CSMD2: variants seen among roughly 807,000 people sequenced by gnomAD.
The protein encoded by CSMD2 is CUB and Sushi multiple domains 2.
CSMD2 carries 130 observed loss-of-function variants against 398.5 expected under a neutral mutation model. That is an observed-to-expected ratio of 0.33 (90% confidence interval 0.28 to 0.38). The LOEUF is 0.38. Ranked by LOEUF, CSMD2 falls within the 10% of genes least tolerant of loss-of-function variation. CSMD2 has a pLI of 1.00. For synonymous variants in CSMD2, 1,828 were observed against 1,908.5 expected (o/e 0.96, Z 1.10); for missense variants, 3,829 against 4,764.9 (o/e 0.80, Z 5.78).
At chr1:33,901,122 G>A (rs919584290) in intron 5 of CSMD2, among the ~76,000 whole-genome samples, 18 of 152,354 alleles carry the variant, frequency 1.2e-4, no homozygotes, top group African/African-American at 3.8e-4. Context: ...AAACTTGGGG[G>A]TGAAGACCCA....
chr1:33,713,427 T>C (rs1290262711), intron 21 of CSMD2, among the ~76,000 whole-genome samples: 2 of 152,328 alleles, frequency 1.3e-5, no homozygotes, highest in East Asian at 3.9e-4. Flanking sequence ...GTGAGGTCCA[T>C]GGCTAACAGT....
chr1:33,579,000 G>A (rs1638499326), intron 48 of CSMD2, among the ~76,000 whole-genome samples: 1 of 152,176 alleles, frequency 6.6e-6, no homozygotes, highest in Non-Finnish European at 1.5e-5. Flanking sequence ...TAGTCACAGT[G>A]ACAGACGCAG....
At chr1:34,085,537 C>T (rs923696698) in intron 2 of CSMD2, among the ~76,000 whole-genome samples, 1 of 152,024 alleles carries the variant, frequency 6.6e-6, no homozygotes, top group Non-Finnish European at 1.5e-5. Flanking sequence ...GCAGACTCAT[C>T]ACAAATGTAG....
intron 12 of CSMD2, 143 bp from the exon 13 acceptor site, chr1:33,772,894 T>TA (rs1411533360): frequency 5.9e-6 from 4 of 678,590 alleles, no homozygotes. Context: ...AACGTTCTTA[T>TA]AAGGAATGAG....
intron 1 of CSMD2, among the ~76,000 whole-genome samples, chr1:34,130,862 G>A (rs1663273976): frequency 6.6e-6 from 1 of 151,864 alleles, no homozygotes; most frequent in African/African-American, 2.4e-5. Flanking sequence ...CCCGTCCCAG[G>A]TCCCCATCTC....
intron 2 of CSMD2, among the ~76,000 whole-genome samples, chr1:34,067,843 C>T (rs1056572822): frequency 1.3e-5 from 2 of 152,200 alleles, no homozygotes; most frequent in South Asian, 4.1e-4. Flanking sequence ...AAACTGCACA[C>T]GTACCTCCCT....
At chr1:33,824,316 T>C (rs1658533607) in intron 7 of CSMD2, among the ~76,000 whole-genome samples, 1 of 152,134 alleles carries the variant, frequency 6.6e-6, no homozygotes, top group Non-Finnish European at 1.5e-5. Context: ...GACCCTGGGC[T>C]CTCCTAGCAC....
At chr1:33,919,513 T>C (rs1284458273) in intron 4 of CSMD2, among the ~76,000 whole-genome samples, 4 of 152,252 alleles carry the variant, frequency 2.6e-5, no homozygotes, top group Admixed American at 6.5e-5. Flanking sequence ...CAATGCTAAC[T>C]TCTAAGTTTC....
At chr1:34,060,045 A>T (rs895143509) in intron 2 of CSMD2, among the ~76,000 whole-genome samples, 1 of 152,232 alleles carries the variant, frequency 6.6e-6, no homozygotes, top group Admixed American at 6.5e-5. Context: ...GACCTCTAGA[A>T]GAGAGGGAAA....
chr1:34,093,845 T>C (rs940088191), intron 1 of CSMD2, among the ~76,000 whole-genome samples: 15 of 152,104 alleles, frequency 9.9e-5, no homozygotes, highest in African/African-American at 3.6e-4. Context: ...CAGGATATTA[T>C]CCCGGAGAAT....
At chr1:33,827,147 G>T (rs1345299838) in intron 6 of CSMD2, among the ~76,000 whole-genome samples, 1 of 152,124 alleles carries the variant, frequency 6.6e-6, no homozygotes, top group East Asian at 1.9e-4. Context: ...CTCCACCCTT[G>T]TCCCTATATA....
chr1:33,721,038 G>C (rs1289153424), intron 19 of CSMD2, among the ~76,000 whole-genome samples: 1 of 152,124 alleles, frequency 6.6e-6, no homozygotes, highest in African/African-American at 2.4e-5. Flanking sequence ...CTAAGAATTA[G>C]GTGATGCCTT....
At position 33,819,900 on chromosome 1, in the gene CSMD2, T is replaced by C. The variant is rs570194230; in HGVS notation, c.1200-63A>G. The C allele has an allele frequency of 1.9e-6, 3 of 1,596,116 alleles. No individual in the cohort carries two copies. The African/African-American group carries it at 4.0e-5, about 21-fold the overall frequency. On this transcript the variant is annotated intron_variant, in intron 8 of 70. Transcript: ENST00000373381. ...GCCTGCCAAGCCCCGCCCCAAGTCC[T>C]TCCTGGTTCCACAAAGAAGCCGCAC...
chr1:34,143,397 GTCA>G (rs1466877726), intron 1 of CSMD2, among the ~76,000 whole-genome samples: 2 of 152,196 alleles, frequency 1.3e-5, no homozygotes, highest in Non-Finnish European at 2.9e-5. Flanking sequence ...CCTTCAGGAA[GTCA>G]TCCCTGATAG....
At chr1:33,611,864 G>A (rs1199790433) in intron 40 of CSMD2, among the ~76,000 whole-genome samples, 1 of 152,082 alleles carries the variant, frequency 6.6e-6, no homozygotes, top group African/African-American at 2.4e-5. Flanking sequence ...GAACGAAGGT[G>A]GGAACATTTA....
intron 32 of CSMD2, among the ~76,000 whole-genome samples, chr1:33,628,782 C>T (rs967512834): frequency 5.3e-5 from 8 of 151,828 alleles, no homozygotes; most frequent in African/African-American, 1.9e-4. Context: ...GAGACCTCCA[C>T]CACAACACCT....
chr1:33,801,941 A>C (rs1440279088), intron 10 of CSMD2, among the ~76,000 whole-genome samples: 1 of 152,188 alleles, frequency 6.6e-6, no homozygotes, highest in Non-Finnish European at 1.5e-5. Context: ...TGTTGACAGA[A>C]GTTTAGCTGG....
chr1:34,027,657 T>C (rs903725114), intron 3 of CSMD2, among the ~76,000 whole-genome samples: 1 of 152,226 alleles, frequency 6.6e-6, no homozygotes, highest in African/African-American at 2.4e-5. Context: ...TGATGTTCAT[T>C]AGAAAGACAA....
chr1:34,090,273 A>G (rs1658403394), intron 1 of CSMD2, among the ~76,000 whole-genome samples: 1 of 152,124 alleles, frequency 6.6e-6, no homozygotes, highest in African/African-American at 2.4e-5. Context: ...TGATGTGATG[A>G]TGCCCTCTGT....
Sources: allele counts gnomAD v4.1 joint callset (sites outside exome capture counted in the v4.1 genomes callset), GRCh38; gene constraint gnomAD v4.1.1; transcripts MANE v1.5; gene names NCBI Gene and HGNC (gene_info 2026-07-23, HGNC 2026-07-21).